Variants in LRMDA observed in about 807,000 individuals in gnomAD.
The protein encoded by LRMDA is leucine rich melanocyte differentiation associated, also known as leucine-rich melanocyte differentiation-associated protein.
Under a neutral mutation model 29.8 loss-of-function variants are expected in LRMDA, and 18 were observed. That is an observed-to-expected ratio of 0.60 (90% CI 0.42 to 0.90). The LOEUF is 0.90. Among genes scored for constraint, LRMDA ranks in the 40% least tolerant of loss-of-function variants. The pLI, the probability that LRMDA is intolerant of heterozygous loss-of-function variation, is 0.00. For synonymous variants in LRMDA, 125 were observed against 109.4 expected (o/e 1.14, Z -0.89); for missense variants, 273 against 273.9 (o/e 1.00, Z 0.02).
At chr10:76,371,861 C>T (rs976786174) in intron 6 of LRMDA, among the ~76,000 whole-genome samples, 9 of 152,192 alleles carry the variant, frequency 5.9e-5, no homozygotes, top group Non-Finnish European at 8.8e-5. Flanking sequence ...ATGATTTGGA[C>T]GCTTATCACT....
chr10:76,333,626 A>G (rs1289190189), intron 6 of LRMDA, among the ~76,000 whole-genome samples: 1 of 152,184 alleles, frequency 6.6e-6, no homozygotes, highest in Non-Finnish European at 1.5e-5. Flanking sequence ...ACGAGGGCTC[A>G]GGCATCAGAG....
chr10:76,470,782 T>C (rs1352126330), intron 6 of LRMDA, among the ~76,000 whole-genome samples: 2 of 151,506 alleles, frequency 1.3e-5, no homozygotes, highest in African/African-American at 2.4e-5. Flanking sequence ...GAGAGAAGAG[T>C]AGGCAGTTAT....
At chr10:76,422,538 C>G (rs1842081514) in intron 6 of LRMDA, among the ~76,000 whole-genome samples, 1 of 152,138 alleles carries the variant, frequency 6.6e-6, no homozygotes, top group Non-Finnish European at 1.5e-5. Flanking sequence ...CTCAGTCTGT[C>G]TAATCATAAG....
intron 6 of LRMDA, among the ~76,000 whole-genome samples, chr10:76,465,161 G>A (rs949314139): frequency 1.3e-4 from 20 of 152,180 alleles, no homozygotes; most frequent in Admixed American, 1.2e-3. Flanking sequence ...CTTAGTTGAT[G>A]TTTGTGATTT....
chr10:75,910,960 A>T (rs1845832870), intron 2 of LRMDA, among the ~76,000 whole-genome samples: 1 of 152,078 alleles, frequency 6.6e-6, no homozygotes, highest in Non-Finnish European at 1.5e-5. Flanking sequence ...GCGTCAATGG[A>T]GTAATCTGGC....
At chr10:75,467,619 T>A (rs1844668941) in intron 2 of LRMDA, among the ~76,000 whole-genome samples, 1 of 152,096 alleles carries the variant, frequency 6.6e-6, no homozygotes, top group Non-Finnish European at 1.5e-5. Context: ...GAAGACCCCA[T>A]GCTTGTGTGT....
chr10:76,527,845 A>G (rs1246847469), intron 6 of LRMDA, among the ~76,000 whole-genome samples: 2 of 152,170 alleles, frequency 1.3e-5, no homozygotes, highest in Non-Finnish European at 2.9e-5. Context: ...ATAAAGAATA[A>G]CCATATCCTT....
At chr10:76,473,625 AAAAAG>A (rs1260099742) in intron 6 of LRMDA, among the ~76,000 whole-genome samples, 1 of 151,650 alleles carries the variant, frequency 6.6e-6, no homozygotes, top group Admixed American at 6.6e-5. Context: ...TGCTAAAAAA[AAAAAG>A]AAAAAAGAAA....
chr10:76,397,996 C>T (rs1304535634), intron 6 of LRMDA, among the ~76,000 whole-genome samples: 2 of 152,102 alleles, frequency 1.3e-5, no homozygotes, highest in Admixed American at 6.5e-5. Context: ...TATATTATGC[C>T]CTGCAGGTCA....
intron 2 of LRMDA, among the ~76,000 whole-genome samples, chr10:76,006,409 G>A (rs751351597): frequency 7.2e-5 from 11 of 152,168 alleles, no homozygotes; most frequent in Non-Finnish European, 1.5e-4. Flanking sequence ...TGTGAAGACC[G>A]GCTGGCTAGT....
intron 6 of LRMDA, among the ~76,000 whole-genome samples, chr10:76,378,847 T>C (rs1841552872): frequency 1.7e-5 from 1 of 57,612 alleles, no homozygotes; most frequent in African/African-American, 7.3e-5. Context: ...TCTCTCTTTT[T>C]CTTTTTTTTT....
At chr10:75,853,433 G>GGTGTGTGTGTGTGTGT (rs3042495) in intron 2 of LRMDA, among the ~76,000 whole-genome samples, 29 of 147,508 alleles carry the variant, frequency 2.0e-4, no homozygotes, top group African/African-American at 6.7e-4. Flanking sequence ...AAAGAAGAGG[G>GGTGTGTGTGTGTGTGT]GTGTGTGTGT....
chr10:75,754,537 A>C (rs768244126), intron 2 of LRMDA, among the ~76,000 whole-genome samples: 3 of 152,154 alleles, frequency 2.0e-5, no homozygotes, highest in Non-Finnish European at 4.4e-5. Flanking sequence ...GCCTAACTGC[A>C]CGGGGTGAAC....
chr10:76,212,936 C>T (rs1851662336), intron 5 of LRMDA, among the ~76,000 whole-genome samples: 1 of 152,200 alleles, frequency 6.6e-6, no homozygotes, highest in South Asian at 2.1e-4. Flanking sequence ...TGCACCATTG[C>T]TGACTGTTCC....
intron 2 of LRMDA, among the ~76,000 whole-genome samples, chr10:75,642,296 T>G (rs1345972492): frequency 6.7e-6 from 1 of 149,002 alleles, no homozygotes; most frequent in Non-Finnish European, 1.5e-5. Context: ...GGTTCCATGG[T>G]GAGTATCCAG....
chr10:75,775,053 C>T lies in LRMDA; in HGVS notation c.132-260955C>T, dbSNP rs1372311501. On this transcript the variant is annotated intron_variant, in intron 2 of 6. Transcript: ENST00000611255. ...TCCTAGTCAATTGAAACCAACTGGC[C>T]ATTAACTTTTCCTTCACAGAAGTGG... 6.6e-5 allele frequency among the ~76,000 whole-genome samples: 10 copies of T among 152,192 alleles called. No homozygotes were observed. The East Asian group carries it at 1.9e-3, about 29-fold the overall frequency.
At chr10:76,357,606 C>T (rs1332184374) in intron 6 of LRMDA, among the ~76,000 whole-genome samples, 2 of 152,162 alleles carry the variant, frequency 1.3e-5, no homozygotes, top group African/African-American at 4.8e-5. Flanking sequence ...TAGTTAAGCA[C>T]AGACAGCAGG....
At chr10:75,861,519 AG>A (rs1844930254) in intron 2 of LRMDA, among the ~76,000 whole-genome samples, 1 of 152,272 alleles carries the variant, frequency 6.6e-6, no homozygotes, top group Non-Finnish European at 1.5e-5. Context: ...AAATTAAAAA[AG>A]GAAGTTTTAT....
Position 76,505,318 on chromosome 10 carries a change from G to T in LRMDA, c.602-51891G>T, listed in dbSNP as rs77142994. ...TCATCTTGTATAGTATTTTGCAGGG[G>T]TTCTTGGTATTTCTTGAATTTGCAT... is the stretch of plus-strand genomic sequence containing the variant. On this transcript the variant is annotated intron_variant, in intron 6 of 6. Coordinates refer to ENST00000611255, the MANE Select transcript of LRMDA (RefSeq NM_001305581.2). Among the ~76,000 whole-genome samples the T allele has an allele frequency of 1.4e-3, 206 of 152,028 alleles. 1 individual carries two copies. Among genetic ancestry groups the T allele is most frequent in the African/African-American group, 4.8e-3 (198 of 41,500 alleles).
Sources: gnomAD v4.1 joint callset for allele counts (sites outside exome capture counted in the v4.1 genomes callset) on GRCh38, gnomAD v4.1.1 for gene constraint, MANE v1.5 for transcripts, NCBI Gene and HGNC (gene_info 2026-07-23, HGNC 2026-07-21) for gene names.